DLG2: variants seen among roughly 807,000 people sequenced by gnomAD.
DLG2 encodes disks large homolog 2.
A neutral mutation model predicts 132.5 loss-of-function variants in DLG2; 45 were observed. The ratio of observed to expected loss-of-function variants is 0.34; its 90% CI spans 0.27 to 0.44. The LOEUF (loss-of-function observed/expected upper bound fraction) is 0.44, where lower values mean the gene tolerates loss of function less well. Among genes scored for constraint, DLG2 ranks in the 20% least tolerant of loss-of-function variants. The pLI, the probability that DLG2 is intolerant of heterozygous loss-of-function variation, is 1.00. For synonymous variants in DLG2, 424 were observed against 419.6 expected, an observed-to-expected ratio of 1.01 and a Z score of -0.13; for missense variants, 1,045 against 1,196.9, an observed-to-expected ratio of 0.87 and a Z score of 1.87.
chr11:83,724,476 T>TGTGTGTGAGAGA (rs762050933), intron 18 of DLG2, among the ~76,000 whole-genome samples: 19 of 118,230 alleles, frequency 1.6e-4, no homozygotes, highest in Middle Eastern at 4.8e-3. Context: ...TGTGTGTGTG[T>TGTGTGTGAGAGA]GAGAGAGAGA....
intron 6 of DLG2, among the ~76,000 whole-genome samples, chr11:84,900,149 T>G (rs1173363198): frequency 6.6e-6 from 1 of 152,086 alleles, no homozygotes; most frequent in East Asian, 1.9e-4. Context: ...GATTTGAATA[T>G]TTTGTCAGAG....
chr11:84,193,053 A>G (rs1365076577), intron 8 of DLG2, among the ~76,000 whole-genome samples: 1 of 152,196 alleles, frequency 6.6e-6, no homozygotes, highest in Non-Finnish European at 1.5e-5. Flanking sequence ...GTGGCTAACA[A>G]TGCATGTAGT....
intron 4 of DLG2, among the ~76,000 whole-genome samples, chr11:85,264,486 C>T (rs920872583): frequency 7.2e-5 from 11 of 152,144 alleles, no homozygotes; most frequent in Admixed American, 7.2e-4. Context: ...TCCTAATCAA[C>T]AGGACAGGTG....
At chr11:84,825,358 A>C (rs2078208645) in intron 6 of DLG2, among the ~76,000 whole-genome samples, 1 of 151,906 alleles carries the variant, frequency 6.6e-6, no homozygotes, top group Non-Finnish European at 1.5e-5. Flanking sequence ...ACACACACTC[A>C]ACAGAGGCTT....
chr11:84,214,472 T>C (rs1197939185), intron 8 of DLG2, among the ~76,000 whole-genome samples: 1 of 151,824 alleles, frequency 6.6e-6, no homozygotes, highest in Non-Finnish European at 1.5e-5. Flanking sequence ...AGTATATCTA[T>C]ATGTATGTTT....
chr11:83,544,140 G>A (rs555915034), intron 19 of DLG2, among the ~76,000 whole-genome samples: 2 of 152,146 alleles, frequency 1.3e-5, no homozygotes, highest in Non-Finnish European at 2.9e-5. Context: ...GGCACTTCCT[G>A]TGTGACACTA....
chr11:83,680,891 C>T (rs543139231), intron 18 of DLG2, among the ~76,000 whole-genome samples: 49 of 138,638 alleles, frequency 3.5e-4, no homozygotes, highest in Non-Finnish European at 6.4e-4. Context: ...GAAAAAAATG[C>T]ATACATTTTT....
intron 11 of DLG2, among the ~76,000 whole-genome samples, chr11:84,053,846 T>C (rs186570433): frequency 8.4e-4 from 128 of 152,136 alleles, no homozygotes; most frequent in Admixed American, 1.6e-3. Context: ...GTTACCATTT[T>C]TCCTGTACAA....
Position 84,549,704 on chromosome 11 carries a change from C to A in DLG2, c.358-14973G>T, listed in dbSNP as rs778554104. Among the ~76,000 whole-genome samples, 3 of 152,092 alleles carry A rather than the reference C, an allele frequency of 2.0e-5. No homozygotes were observed. The South Asian group carries it at 6.2e-4, about 32-fold the overall frequency. On this transcript the variant is annotated intron_variant, in intron 6 of 27. Transcript: ENST00000376104. ...TGCCCAAACTCTTTGGGCCAGGACC[C>A]GCCTCCTAACAGGTGCTTAGGAAAT... is the stretch of plus-strand genomic sequence containing the variant.
chr11:84,357,017 G>A (rs915954736), intron 7 of DLG2, among the ~76,000 whole-genome samples: 2 of 151,948 alleles, frequency 1.3e-5, no homozygotes, highest in Admixed American at 1.3e-4. Flanking sequence ...AGAAATGAGT[G>A]AGCAAAGAAT....
At chr11:83,679,137 C>T (rs969481385) in intron 18 of DLG2, among the ~76,000 whole-genome samples, 14 of 152,128 alleles carry the variant, frequency 9.2e-5, no homozygotes, top group African/African-American at 3.4e-4. Context: ...AATCCTAGCA[C>T]TGCTATATGC....
chr11:84,390,035 T>A (rs1463809505), intron 7 of DLG2, among the ~76,000 whole-genome samples: 2 of 152,210 alleles, frequency 1.3e-5, no homozygotes, highest in Non-Finnish European at 2.9e-5. Flanking sequence ...TAATATTGCC[T>A]TAAGTGGTAT....
intron 17 of DLG2, chr11:83,791,298 C>G: frequency 1.5e-6 from 1 of 677,088 alleles, no homozygotes; most frequent in South Asian, 1.8e-5. Context: ...AGGGTTTGCC[C>G]GCCTTGCCTT....
At chr11:83,796,344 T>C (rs2042825164) in intron 17 of DLG2, among the ~76,000 whole-genome samples, 1 of 152,260 alleles carries the variant, frequency 6.6e-6, no homozygotes, top group Non-Finnish European at 1.5e-5. Flanking sequence ...GTTGAATCTT[T>C]CTTTCCACCT....
intron 6 of DLG2, among the ~76,000 whole-genome samples, chr11:84,697,471 T>C (rs571943924): frequency 6.6e-6 from 1 of 151,528 alleles, no homozygotes; most frequent in East Asian, 1.9e-4. Flanking sequence ...TAGTTACTTT[T>C]CAAAAACTAA....
chr11:84,997,046 G>C (rs915663666), intron 6 of DLG2, among the ~76,000 whole-genome samples: 1 of 152,098 alleles, frequency 6.6e-6, no homozygotes, highest in Non-Finnish European at 1.5e-5. Context: ...ACCCTGGTGG[G>C]GCAGAGGGGT....
intron 11 of DLG2, among the ~76,000 whole-genome samples, chr11:84,007,398 T>C (rs897937394): frequency 2.0e-5 from 3 of 151,750 alleles, no homozygotes; most frequent in Non-Finnish European, 4.4e-5. Context: ...TACTTTGCCA[T>C]AAAATCTATT....
intron 4 of DLG2, among the ~76,000 whole-genome samples, chr11:85,252,772 G>T (rs981446790): frequency 6.6e-6 from 1 of 151,974 alleles, no homozygotes; most frequent in African/African-American, 2.4e-5. Context: ...ATGAGGAAAG[G>T]CTGTGGGGAA....
intron 18 of DLG2, among the ~76,000 whole-genome samples, chr11:83,662,928 G>C (rs1025508587): frequency 1.3e-5 from 2 of 152,146 alleles, no homozygotes; most frequent in Non-Finnish European, 2.9e-5. Flanking sequence ...ACAGTCCACT[G>C]TTGGTCTCTA....
Sources: gnomAD v4.1 joint callset for allele counts (sites outside exome capture counted in the v4.1 genomes callset) on GRCh38, gnomAD v4.1.1 for gene constraint, MANE v1.5 for transcripts, NCBI Gene and HGNC (gene_info 2026-07-23, HGNC 2026-07-21) for gene names.